ANXA4: variants seen among roughly 807,000 people sequenced by gnomAD.
The protein encoded by ANXA4 is 35-beta calcimedin.
In ANXA4, 39 loss-of-function variants were observed where a neutral mutation model predicts 49.8. The ratio of observed to expected loss-of-function variants is 0.78; its 90% CI spans 0.61 to 1.02. The LOEUF (loss-of-function observed/expected upper bound fraction) is 1.02. Among genes scored for constraint, ANXA4 ranks in the 50% least tolerant of loss-of-function variants. The pLI is 0.00. For synonymous variants in ANXA4, 134 were observed against 152.5 expected (o/e 0.88, Z 0.89); for missense variants, 360 against 410.1 (o/e 0.88, Z 1.05).
intron 2 of ANXA4, among the ~76,000 whole-genome samples, chr2:69,656,524 GCACATATTTTC>G (rs1380185151): frequency 1.4e-5 from 2 of 144,906 alleles, no homozygotes; most frequent in Non-Finnish European, 3.0e-5. Flanking sequence ...GTGCTTCTCT[GCACATATTTTC>G]CAAATACAGT....
At chr2:69,722,371 G>C (rs916432841) in intron 3 of ANXA4, among the ~76,000 whole-genome samples, 1 of 152,190 alleles carries the variant, frequency 6.6e-6, no homozygotes, top group African/African-American at 2.4e-5. Flanking sequence ...AACAGCCCAA[G>C]TGTCCATCAA....
At chr2:69,758,794 T>A (rs1233723800) in intron 1 of ANXA4, among the ~76,000 whole-genome samples, 1 of 152,048 alleles carries the variant, frequency 6.6e-6, no homozygotes, top group Non-Finnish European at 1.5e-5. Context: ...TTATCAGATA[T>A]CACAAGGAAT....
intron 2 of ANXA4, among the ~76,000 whole-genome samples, chr2:69,657,144 G>A (rs1024570142): frequency 6.6e-6 from 1 of 151,510 alleles, no homozygotes; most frequent in Admixed American, 6.6e-5. Context: ...ACAGGCACCC[G>A]CCACCATGCC....
intron 2 of ANXA4, among the ~76,000 whole-genome samples, chr2:69,672,779 A>C (rs1677237562): frequency 6.6e-6 from 1 of 152,212 alleles, no homozygotes; most frequent in African/African-American, 2.4e-5. Flanking sequence ...AACAGTGTTA[A>C]TCACTTTGTT....
intron 1 of ANXA4, among the ~76,000 whole-genome samples, chr2:69,778,361 A>G (rs1410243888): frequency 6.6e-6 from 1 of 152,262 alleles, no homozygotes; most frequent in Non-Finnish European, 1.5e-5. Context: ...GCCTGTTAAT[A>G]TCAGAACTAA....
intron 1 of ANXA4, among the ~76,000 whole-genome samples, chr2:69,652,007 A>C (rs1407343258): frequency 6.6e-6 from 1 of 151,048 alleles, no homozygotes; most frequent in East Asian, 2.0e-4. Flanking sequence ...TTGCAAACAT[A>C]AAGTAGTTTT....
At chr2:69,809,665 A>C (rs1038621775) in intron 6 of ANXA4, 1 of 152,102 alleles carries the variant, frequency 6.6e-6, no homozygotes, top group Non-Finnish European at 1.5e-5. Context: ...TTTTGTAGAG[A>C]TGGGGGTTCA....
intron 2 of ANXA4, among the ~76,000 whole-genome samples, chr2:69,656,737 A>T (rs942856808): frequency 6.6e-6 from 1 of 151,556 alleles, no homozygotes; most frequent in African/African-American, 2.4e-5. Context: ...TTTAGTAGAG[A>T]TGGGGTTTCA....
At chr2:69,730,450 C>T (rs765890350) in intron 3 of ANXA4, among the ~76,000 whole-genome samples, 29 of 152,052 alleles carry the variant, frequency 1.9e-4, no homozygotes, top group Non-Finnish European at 3.7e-4. Flanking sequence ...TACAGTGAGC[C>T]GAGATTGTAC....
chr2:69,654,990 C>T (rs946845273), intron 2 of ANXA4, among the ~76,000 whole-genome samples: 1 of 152,150 alleles, frequency 6.6e-6, no homozygotes, highest in Non-Finnish European at 1.5e-5. Context: ...AAAACAGAAA[C>T]TGGACCCCTT....
intron 2 of ANXA4, among the ~76,000 whole-genome samples, chr2:69,699,647 A>G (rs1559090184): frequency 2.0e-5 from 3 of 152,144 alleles, no homozygotes; most frequent in Non-Finnish European, 4.4e-5. Flanking sequence ...ACAAAACAAA[A>G]CAAAACAAAA....
chr2:69,744,540 T>G (rs1670535238), intron 1 of ANXA4, among the ~76,000 whole-genome samples: 1 of 152,210 alleles, frequency 6.6e-6, no homozygotes, highest in Non-Finnish European at 1.5e-5. Flanking sequence ...GAGGGTTTGT[T>G]TTCACTGCAA....
intron 2 of ANXA4, among the ~76,000 whole-genome samples, chr2:69,688,253 C>T (rs1677858842): frequency 1.3e-5 from 2 of 152,164 alleles, no homozygotes; most frequent in Admixed American, 1.3e-4. Flanking sequence ...TCTCTTTCCC[C>T]TATATTTTCT....
intron 1 of ANXA4, among the ~76,000 whole-genome samples, chr2:69,768,589 A>G (rs1671586668): frequency 6.6e-6 from 1 of 152,204 alleles, no homozygotes; most frequent in South Asian, 2.1e-4. Flanking sequence ...CGTTTAGTAA[A>G]TCAAATGGTA....
chr2:69,709,018 G>A (rs926411174), intron 2 of ANXA4, among the ~76,000 whole-genome samples: 3 of 152,084 alleles, frequency 2.0e-5, no homozygotes, highest in African/African-American at 4.8e-5. Context: ...TCTGCCTTAG[G>A]TAAAGTAACT....
chr2:69,720,216 T>C (rs1001323849), intron 2 of ANXA4, among the ~76,000 whole-genome samples: 8 of 152,312 alleles, frequency 5.3e-5, no homozygotes, highest in African/African-American at 1.9e-4. Flanking sequence ...GCAATACTAA[T>C]TGTAATCTCT....
intron 2 of ANXA4, among the ~76,000 whole-genome samples, chr2:69,674,930 TTCG>T (rs1387323818): frequency 6.6e-6 from 1 of 151,108 alleles, no homozygotes; most frequent in African/African-American, 2.4e-5. Flanking sequence ...TTTTTTTTTT[TTCG>T]TTTTTTTGAG....
chr2:69,767,800 A>G (rs1281267635), intron 1 of ANXA4, among the ~76,000 whole-genome samples: 1 of 152,150 alleles, frequency 6.6e-6, no homozygotes, highest in Non-Finnish European at 1.5e-5. Context: ...GATATGAAGA[A>G]CGAGAAAGTT....
intron 7 of ANXA4, chr2:69,810,908 TG>T (rs1337227314): frequency 2.9e-5 from 15 of 524,338 alleles, no homozygotes; most frequent in Non-Finnish European, 4.5e-5. Context: ...CAGGTCCCCC[TG>T]TCACTCAGTG....
Sources: gnomAD v4.1 joint callset for allele counts (sites outside exome capture counted in the v4.1 genomes callset) on GRCh38, gnomAD v4.1.1 for gene constraint, MANE v1.5 for transcripts, NCBI Gene and HGNC (gene_info 2026-07-23, HGNC 2026-07-21) for gene names.